The following RIPOR2 variants were observed in gnomAD, a reference collection of about 807,000 sequenced individuals.
RIPOR2 encodes the protein RHO family interacting cell polarization regulator 2.
In RIPOR2, 39 loss-of-function variants were observed where a neutral mutation model predicts 114.5. That is an observed-to-expected ratio of 0.34 (90% confidence interval 0.26 to 0.44). The LOEUF is 0.44. Ranked by LOEUF, RIPOR2 falls within the 20% of genes least tolerant of loss-of-function variation. The pLI is 1.00. For synonymous variants in RIPOR2, 445 were observed against 484.4 expected (o/e 0.92, Z 1.07); for missense variants, 1,007 against 1,255.1 (o/e 0.80, Z 2.99).
chr6:24,991,220 G>C (rs1774797759), intron 1 of RIPOR2, among the ~76,000 whole-genome samples: 1 of 152,182 alleles, frequency 6.6e-6, no homozygotes, highest in South Asian at 2.1e-4. Flanking sequence ...GGCTGATGCA[G>C]CTGAGAGAGA....
intron 1 of RIPOR2, among the ~76,000 whole-genome samples, chr6:25,010,973 G>A (rs1775753384): frequency 6.6e-6 from 1 of 152,198 alleles, no homozygotes; most frequent in Non-Finnish European, 1.5e-5. Context: ...TGCCTGGGTG[G>A]TTGGGAAAGG....
At chr6:24,899,821 A>G (rs1453471291) in intron 1 of RIPOR2, among the ~76,000 whole-genome samples, 1 of 152,150 alleles carries the variant, frequency 6.6e-6, no homozygotes, top group Non-Finnish European at 1.5e-5. Flanking sequence ...TGAGGCGTCA[A>G]TCGTTTGCAA....
chr6:24,962,069 C>G (rs576884775), intron 1 of RIPOR2, among the ~76,000 whole-genome samples: 1 of 152,332 alleles, frequency 6.6e-6, no homozygotes, highest in South Asian at 2.1e-4. Flanking sequence ...CAAATGCATA[C>G]TCAGGCAGTC....
chr6:24,962,732 T>C (rs1372625490), intron 1 of RIPOR2, among the ~76,000 whole-genome samples: 2 of 152,178 alleles, frequency 1.3e-5, no homozygotes, highest in African/African-American at 2.4e-5. Context: ...TACACTGATA[T>C]ACATAAAAAG....
At position 24,883,642 on chromosome 6, in the gene RIPOR2, A is replaced by G. The variant is rs1376776892; in HGVS notation, c.62-7825T>C. Among the ~76,000 whole-genome samples, 1 of 152,186 alleles carries G rather than the reference A, an allele frequency of 6.6e-6. No individual in the cohort carries two copies. Among genetic ancestry groups the G allele is most frequent in the East Asian group, 1.9e-4 (1 of 5,200 alleles). ...TCAATAAAGCTGTTTAAAAAAAATCACTACCAATTTCTAGAAAAAGTCATC... is the reference window on the plus strand; with the variant it reads ...TCAATAAAGCTGTTTAAAAAAAATCGCTACCAATTTCTAGAAAAAGTCATC... On this transcript the variant is annotated intron_variant, in intron 1 of 21. Coordinates refer to ENST00000643898, the MANE Select transcript of RIPOR2 (RefSeq NM_001286445.3). The surrounding 1 kb of genome is among the most constrained non-coding windows in gnomAD (Gnocchi z 4.1).
At chr6:24,996,560 C>A (rs1296774080) in intron 1 of RIPOR2, among the ~76,000 whole-genome samples, 5 of 152,202 alleles carry the variant, frequency 3.3e-5, no homozygotes, top group African/African-American at 1.2e-4. Context: ...CCTTTCCCTT[C>A]CCTCCCACCA....
Position 24,875,591 on chromosome 6 carries a change from G to T in RIPOR2, c.188+100C>A, listed in dbSNP as rs532195046. ...GATTAAAATGGGGAGGAGGCCGGGG[G>T]GCGGTTTGACAAGGCTGAATGCACA... is the stretch of plus-strand genomic sequence containing the variant. On this transcript the variant is annotated intron_variant, in intron 2 of 21. Transcript: ENST00000643898. The T allele has an allele frequency of 2.4e-3, 2,665 of 1,105,428 alleles. 9 individuals carry two copies. Among genetic ancestry groups the T allele is most frequent in the Admixed American group, 2.8e-3 (106 of 38,366 alleles). 68.5% of individuals were successfully genotyped at this position (1,105,428 alleles called of 1,614,324 possible).
chr6:24,910,735 G>A (rs1769483444), intron 1 of RIPOR2: 1 of 822,180 alleles, frequency 1.2e-6, no homozygotes, highest in Non-Finnish European at 1.5e-6. Flanking sequence ...CATTCAAGTC[G>A]AGGACACCCC....
rs550290190 is a variant in RIPOR2 at position 24,863,145 on chromosome 6, G to T, written c.652-2109C>A. ...TTTTTGTATTTTTAGTAGAGACGGGGTTTTGCTATGTTGGCTGGGCTAGTC... is the reference window on the plus strand; with the variant it reads ...TTTTTGTATTTTTAGTAGAGACGGGTTTTTGCTATGTTGGCTGGGCTAGTC... On this transcript the variant is annotated intron_variant, in intron 7 of 21. Coordinates refer to ENST00000643898, the MANE Select transcript of RIPOR2 (RefSeq NM_001286445.3). 2.6e-5 allele frequency among the ~76,000 whole-genome samples: 4 copies of T among 152,100 alleles called. No individual in the cohort carries two copies. The South Asian group carries it at 8.3e-4, about 32-fold the overall frequency.
chr6:24,976,539 T>C, intron 1 of RIPOR2: 6 of 1,592,764 alleles, frequency 3.8e-6, no homozygotes, highest in South Asian at 1.1e-5. Context: ...CATAAAGCTA[T>C]GTTAACAGAT....
intron 1 of RIPOR2, among the ~76,000 whole-genome samples, chr6:25,009,126 T>C (rs1775675709): frequency 1.3e-5 from 2 of 152,118 alleles, no homozygotes; most frequent in Admixed American, 1.3e-4. Flanking sequence ...TTCAAAAGCA[T>C]GGGCGAGTGA....
intron 1 of RIPOR2, among the ~76,000 whole-genome samples, chr6:24,975,875 A>G (rs1246265405): frequency 6.6e-6 from 1 of 152,170 alleles, no homozygotes; most frequent in African/African-American, 2.4e-5. Flanking sequence ...ATACCTCAGT[A>G]AAGCTGGGAA....
chr6:24,867,264 T>C (rs1321318360), intron 6 of RIPOR2, among the ~76,000 whole-genome samples: 4 of 152,210 alleles, frequency 2.6e-5, no homozygotes, highest in African/African-American at 7.2e-5. Context: ...TGACATCTTT[T>C]GGTTGATGGT....
intron 1 of RIPOR2, among the ~76,000 whole-genome samples, chr6:24,998,593 A>G (rs1255081334): frequency 2.0e-5 from 3 of 152,150 alleles, no homozygotes. Context: ...ACGTCTCTCC[A>G]TTGCCCCTAT....
At chr6:24,975,745 G>C (rs751518150) in intron 1 of RIPOR2, among the ~76,000 whole-genome samples, 1 of 152,150 alleles carries the variant, frequency 6.6e-6, no homozygotes, top group Non-Finnish European at 1.5e-5. Context: ...GTAACTATGT[G>C]AGGTGATAGA....
intron 14 of RIPOR2, 73 bp downstream of exon 14, chr6:24,839,018 T>C: frequency 7.8e-7 from 1 of 1,282,794 alleles, no homozygotes; most frequent in Non-Finnish European, 1.1e-6. Flanking sequence ...CCAGGTCCCC[T>C]CTGACAGTAA....
chr6:24,935,199 T>G (rs896374466), intron 1 of RIPOR2, among the ~76,000 whole-genome samples: 1 of 151,546 alleles, frequency 6.6e-6, no homozygotes, highest in African/African-American at 2.4e-5. Flanking sequence ...TCCCAGCTAC[T>G]TGGGAGGCTG....
intron 1 of RIPOR2, among the ~76,000 whole-genome samples, chr6:25,005,788 C>A (rs2113663695): frequency 7.2e-6 from 1 of 139,532 alleles, no homozygotes; most frequent in East Asian, 2.2e-4. Context: ...ACCTTCTTCT[C>A]CTGTTTAACT....
intron 21 of RIPOR2, among the ~76,000 whole-genome samples, 186 bp from the exon 22 acceptor site, chr6:24,806,659 C>T (rs1273475059): frequency 6.6e-6 from 1 of 152,128 alleles, no homozygotes; most frequent in Non-Finnish European, 1.5e-5. Context: ...CTTAGAACAA[C>T]CAAGAACTTT....
Sources: gnomAD v4.1 joint callset for allele counts (sites outside exome capture counted in the v4.1 genomes callset) on GRCh38, gnomAD v4.1.1 for gene constraint, Gnocchi (gnomAD v3.1) non-coding constraint, MANE v1.5 for transcripts, NCBI Gene and HGNC (gene_info 2026-07-23, HGNC 2026-07-21) for gene names.